RBFOX1: variants seen among roughly 807,000 people sequenced by gnomAD.
The protein encoded by RBFOX1 is RNA binding protein fox-1 homolog 1.
RBFOX1 carries 8 observed loss-of-function variants against 57.7 expected under a neutral mutation model. The observed-to-expected ratio is 0.14, with a 90% CI of 0.08 to 0.25. RBFOX1 has a LOEUF of 0.25. Among genes scored for constraint, RBFOX1 ranks in the 10% least tolerant of loss-of-function variants. RBFOX1 has a pLI of 1.00. For synonymous variants in RBFOX1, 326 were observed against 222.4 expected (o/e 1.47, Z -4.15); for missense variants, 611 against 548.5 (o/e 1.11, Z -1.14).
chr16:6,634,078 TACAC>T (rs766851606), intron 2 of RBFOX1, among the ~76,000 whole-genome samples: 2 of 144,684 alleles, frequency 1.4e-5, no homozygotes, highest in Admixed American at 7.0e-5. Context: ...CACACACACA[TACAC>T]ACACACATAC....
chr16:6,819,293 A>G (rs1233686444), intron 3 of RBFOX1, among the ~76,000 whole-genome samples: 1 of 152,202 alleles, frequency 6.6e-6, no homozygotes, highest in East Asian at 1.9e-4. Context: ...TCCCTTGTAC[A>G]TAGCAGGTGC....
intron 3 of RBFOX1, among the ~76,000 whole-genome samples, chr16:6,974,068 G>T (rs1015597102): frequency 2.0e-5 from 3 of 152,038 alleles, no homozygotes; most frequent in Non-Finnish European, 4.4e-5. Context: ...GAGGATAATG[G>T]CTTCCAGCTG....
At chr16:6,728,827 G>A (rs1196222915) in intron 3 of RBFOX1, among the ~76,000 whole-genome samples, 1 of 152,136 alleles carries the variant, frequency 6.6e-6, no homozygotes, top group African/African-American at 2.4e-5. Context: ...TGGAATAGTT[G>A]ATCTAATTCA....
intron 1 of RBFOX1, among the ~76,000 whole-genome samples, chr16:5,372,805 C>T (rs1035425591): frequency 6.6e-6 from 1 of 152,210 alleles, no homozygotes; most frequent in African/African-American, 2.4e-5. Context: ...CATGCTGGGT[C>T]GCGTTGACCC....
At chr16:5,662,775 C>T (rs926562474) in intron 3 of RBFOX1, among the ~76,000 whole-genome samples, 4 of 152,136 alleles carry the variant, frequency 2.6e-5, no homozygotes, top group African/African-American at 4.8e-5. Context: ...TGAAGACAAT[C>T]GGGTTCACTG....
chr16:7,078,099 T>A (rs1289383005), intron 4 of RBFOX1, among the ~76,000 whole-genome samples: 1 of 152,180 alleles, frequency 6.6e-6, no homozygotes, highest in Admixed American at 6.5e-5. Context: ...TCCTCCTCTT[T>A]GGCTCATGAG....
chr16:7,597,320 T>A lies in RBFOX1; in HGVS notation c.562-51T>A, dbSNP rs186796774. On this transcript the variant is annotated intron_variant, in intron 8 of 15. Coordinates refer to ENST00000550418, the MANE Select transcript of RBFOX1 (RefSeq NM_018723.4). ...GTCATAATGCATGCAACTAATTGAA[T>A]TGGGAGCTGGCCCTAGAATATGTGC... 1.2e-5 allele frequency: 17 copies of A among 1,380,596 alleles called. No individual in the cohort carries two copies. The African/African-American group carries it at 2.2e-4, about 18-fold the overall frequency. 85.5% of individuals were successfully genotyped at this position (1,380,596 alleles called of 1,614,324 possible). A position where few individuals can be genotyped will look rare whatever the true frequency, so the allele number is the denominator to read the frequency against.
intron 2 of RBFOX1, among the ~76,000 whole-genome samples, chr16:6,340,448 G>T (rs995828612): frequency 6.6e-6 from 1 of 152,168 alleles, no homozygotes; most frequent in African/African-American, 2.4e-5. Context: ...TAAAGGAATG[G>T]CTACCTCATA....
chr16:6,815,026 G>T (rs956523056), intron 3 of RBFOX1, among the ~76,000 whole-genome samples: 3 of 152,186 alleles, frequency 2.0e-5, no homozygotes, highest in Non-Finnish European at 4.4e-5. Context: ...TTGATTATAT[G>T]CTAAACAAGG....
chr16:7,291,102 A>C (rs1481035318), intron 4 of RBFOX1, among the ~76,000 whole-genome samples: 2 of 152,210 alleles, frequency 1.3e-5, no homozygotes, highest in African/African-American at 4.8e-5. Flanking sequence ...CACTGGGCAT[A>C]AGTGATTATA....
Position 5,561,769 on chromosome 16 carries a change from C to T in RBFOX1, c.259-37133C>T, listed in dbSNP as rs565727493. ...CCCTTCTTTTGGGGTGAGAGGGTCA[C>T]TTGTTCTACCCTGAGATGTATTTTA... On this transcript the variant is annotated intron_variant, in intron 2 of 2. Transcript: ENST00000585867. Among the ~76,000 whole-genome samples, 12 of 152,228 alleles carry T rather than the reference C, an allele frequency of 7.9e-5. No homozygotes were observed. In the South Asian group the frequency reaches 2.5e-3, roughly 32 times the overall value.
intron 2 of RBFOX1, among the ~76,000 whole-genome samples, chr16:6,548,970 G>A (rs1267776420): frequency 1.3e-5 from 2 of 150,728 alleles, no homozygotes; most frequent in Non-Finnish European, 2.9e-5. Context: ...AGGTACTCAA[G>A]TGGCTGAGGC....
At chr16:5,543,769 T>C (rs7188049) in intron 2 of RBFOX1, among the ~76,000 whole-genome samples, 3 of 151,892 alleles carry the variant, frequency 2.0e-5, no homozygotes, top group African/African-American at 4.8e-5. Context: ...ATATAAAAAC[T>C]TAAAAGCATC....
At chr16:7,006,482 G>A (rs1013470027) in intron 3 of RBFOX1, among the ~76,000 whole-genome samples, 1 of 152,034 alleles carries the variant, frequency 6.6e-6, no homozygotes, top group Non-Finnish European at 1.5e-5. Flanking sequence ...GAGACAGGGT[G>A]TCTATTGGTC....
intron 3 of RBFOX1, among the ~76,000 whole-genome samples, chr16:6,668,369 G>A (rs543261397): frequency 6.6e-6 from 1 of 152,350 alleles, no homozygotes; most frequent in African/African-American, 2.4e-5. Context: ...AGTTGTTTCT[G>A]TCACAGAATC....
chr16:5,652,657 G>C (rs180928175), intron 3 of RBFOX1, among the ~76,000 whole-genome samples: 34 of 152,270 alleles, frequency 2.2e-4, no homozygotes, highest in African/African-American at 7.9e-4. Flanking sequence ...AAGCTTAGCT[G>C]GGAAAATGGG....
chr16:7,580,794 T>C (rs951938077), intron 6 of RBFOX1, among the ~76,000 whole-genome samples: 3 of 152,218 alleles, frequency 2.0e-5, no homozygotes, highest in African/African-American at 7.2e-5. Flanking sequence ...TCATTCATGT[T>C]TGCAGATGTA....
chr16:6,597,042 T>G (rs1178811991), intron 2 of RBFOX1, among the ~76,000 whole-genome samples: 1 of 152,176 alleles, frequency 6.6e-6, no homozygotes, highest in Non-Finnish European at 1.5e-5. Flanking sequence ...GGTTTGATTT[T>G]CTTGCCCCCT....
chr16:6,988,736 TTTTTTTG>T (rs1288754109), intron 3 of RBFOX1, among the ~76,000 whole-genome samples: 2 of 75,330 alleles, frequency 2.7e-5, no homozygotes, highest in East Asian at 8.6e-4. Flanking sequence ...AGCTAATTTT[TTTTTTTG>T]TTTGTTTGTT....
Sources: gnomAD v4.1 joint callset for allele counts (sites outside exome capture counted in the v4.1 genomes callset) on GRCh38, gnomAD v4.1.1 for gene constraint, MANE v1.5 for transcripts, NCBI Gene and HGNC (gene_info 2026-07-23, HGNC 2026-07-21) for gene names.